Variants in ENTHD1 observed in about 807,000 individuals in gnomAD.
ENTHD1 encodes ENTH domain containing 1.
In ENTHD1, 23 loss-of-function variants were observed where a neutral mutation model predicts 39.1. The ratio of observed to expected loss-of-function variants is 0.59; its 90% CI spans 0.42 to 0.83. ENTHD1 has a LOEUF of 0.83. ENTHD1 is among the 40% of genes least tolerant of loss of function. The probability of loss-of-function intolerance (pLI) is 0.00; values close to 1 mark genes in which losing one functional copy is unlikely to be tolerated. For missense variants in ENTHD1, 624 were observed against 705.4 expected (o/e 0.88, Z 1.31); for synonymous variants, 230 against 258.2 (o/e 0.89, Z 1.05).
chr22:39,842,318 A>G (rs984671311), intron 3 of ENTHD1, among the ~76,000 whole-genome samples: 1 of 152,076 alleles, frequency 6.6e-6, no homozygotes, highest in Non-Finnish European at 1.5e-5. Context: ...CCTGGATAAT[A>G]TCCTGCAGAG....
intron 5 of ENTHD1, among the ~76,000 whole-genome samples, chr22:39,797,435 G>C (rs1004026024): frequency 6.6e-6 from 1 of 152,112 alleles, no homozygotes; most frequent in Non-Finnish European, 1.5e-5. Context: ...TATATTCTTT[G>C]TTCCTTTCTC....
At chr22:39,851,928 T>C (rs1262061505) in intron 3 of ENTHD1, among the ~76,000 whole-genome samples, 10 of 152,244 alleles carry the variant, frequency 6.6e-5, no homozygotes, top group Non-Finnish European at 1.3e-4. Flanking sequence ...CCTAGTCTCA[T>C]TGCCTGAAGG....
intron 5 of ENTHD1, among the ~76,000 whole-genome samples, chr22:39,777,881 T>C (rs1360212378): frequency 1.3e-5 from 2 of 152,220 alleles, no homozygotes; most frequent in African/African-American, 4.8e-5. Flanking sequence ...ATTGCAACGT[T>C]TCCTGTCTTT....
At chr22:39,809,512 G>T (rs1213233608) in intron 5 of ENTHD1, among the ~76,000 whole-genome samples, 1 of 152,186 alleles carries the variant, frequency 6.6e-6, no homozygotes, top group East Asian at 1.9e-4. Context: ...TGCCATGTGT[G>T]TAGGACTCAG....
At chr22:39,814,743 A>C (rs1438610219) in intron 5 of ENTHD1, among the ~76,000 whole-genome samples, 1 of 152,206 alleles carries the variant, frequency 6.6e-6, no homozygotes, top group Non-Finnish European at 1.5e-5. Flanking sequence ...TCAATCTTAC[A>C]CCAAAATTAA....
chr22:39,768,368 A>T (rs2065295344), intron 5 of ENTHD1, among the ~76,000 whole-genome samples: 1 of 152,154 alleles, frequency 6.6e-6, no homozygotes, highest in African/African-American at 2.4e-5. Context: ...TCCACACGCC[A>T]TGAGCATTTA....
chr22:39,771,080 G>T (rs534980205), intron 5 of ENTHD1, among the ~76,000 whole-genome samples: 7 of 151,880 alleles, frequency 4.6e-5, no homozygotes, highest in Non-Finnish European at 7.4e-5. Flanking sequence ...TGCTTAAGCT[G>T]TACTCTTTTT....
chr22:39,833,284 C>T (rs1436450254), intron 4 of ENTHD1, among the ~76,000 whole-genome samples: 1 of 152,118 alleles, frequency 6.6e-6, no homozygotes, highest in African/African-American at 2.4e-5. Flanking sequence ...ACAGATTAAG[C>T]TCTAGCCTTT....
intron 2 of ENTHD1, among the ~76,000 whole-genome samples, chr22:39,871,216 TAA>T (rs1204319840): frequency 5.3e-5 from 8 of 150,760 alleles, no homozygotes; most frequent in African/African-American, 9.8e-5. Context: ...AATAAATAAA[TAA>T]ATACGGACCT....
At chr22:39,797,063 A>G (rs1006202325) in intron 5 of ENTHD1, among the ~76,000 whole-genome samples, 6 of 152,180 alleles carry the variant, frequency 3.9e-5, no homozygotes, top group Non-Finnish European at 7.3e-5. Flanking sequence ...GTACATATAT[A>G]TTTAGAATTG....
chr22:39,835,922 C>G lies in ENTHD1; in HGVS notation c.629G>C (p.Cys210Ser). ...VCKAGLKQEHCQDVHLPTETM... is the reference protein window; with the variant it reads ...VCKAGLKQEHSQDVHLPTETM... ...TTCTGTAGGCAAATGAACATCTTGG[C>G]AATGCTCTTGTTTCAATCCTGCCTT... Residue 210 changes from cysteine to serine, a missense_variant, in exon 4 of 7, where the codon TGC (cysteine) becomes TCC (serine). By Grantham distance (112) the Cys-to-Ser change is moderately radical (BLOSUM62 -1). Transcript: ENST00000325157. 6.2e-7 allele frequency: 1 copy of G among 1,609,050 alleles called. No homozygotes were observed. The highest frequency in any genetic ancestry group is 8.5e-7 in the Non-Finnish European group (1 of 1,177,392).
chr22:39,787,153 TAC>T (rs1251910045), intron 5 of ENTHD1, among the ~76,000 whole-genome samples: 1 of 152,208 alleles, frequency 6.6e-6, no homozygotes. Flanking sequence ...TAGATTTTTC[TAC>T]AGTAATCATT....
intron 6 of ENTHD1, among the ~76,000 whole-genome samples, chr22:39,749,262 C>T (rs916685759): frequency 1.3e-5 from 2 of 152,230 alleles, no homozygotes; most frequent in African/African-American, 4.8e-5. Context: ...CTCTTGTTAA[C>T]ATTCACACAG....
intron 5 of ENTHD1, among the ~76,000 whole-genome samples, chr22:39,792,517 C>A (rs972682569): frequency 1.3e-5 from 2 of 151,418 alleles, no homozygotes; most frequent in Non-Finnish European, 3.0e-5. Context: ...GCCTTATGAT[C>A]AAAAAAATTG....
chr22:39,777,053 A>G (rs1281620952), intron 5 of ENTHD1, among the ~76,000 whole-genome samples: 1 of 152,232 alleles, frequency 6.6e-6, no homozygotes, highest in Non-Finnish European at 1.5e-5. Flanking sequence ...CAAGCAGGAC[A>G]AAAGATGGAT....
chr22:39,789,333 GA>G (rs1198230119), intron 5 of ENTHD1, among the ~76,000 whole-genome samples: 2 of 151,810 alleles, frequency 1.3e-5, no homozygotes, highest in Non-Finnish European at 2.9e-5. Context: ...CAAATACACT[GA>G]AAAAAATTTC....
At chr22:39,801,082 T>C (rs1367349826) in intron 5 of ENTHD1, among the ~76,000 whole-genome samples, 2 of 152,378 alleles carry the variant, frequency 1.3e-5, no homozygotes, top group South Asian at 2.1e-4. Context: ...ATGATTATCA[T>C]AGACTTATCA....
chr22:39,840,392 C>T (rs1278896263), intron 3 of ENTHD1, among the ~76,000 whole-genome samples: 2 of 152,140 alleles, frequency 1.3e-5, no homozygotes, highest in East Asian at 1.9e-4. Flanking sequence ...GTGAACCCTC[C>T]GATATTTCTT....
At chr22:39,859,581 A>G (rs1421131476) in intron 3 of ENTHD1, among the ~76,000 whole-genome samples, 1 of 152,086 alleles carries the variant, frequency 6.6e-6, no homozygotes, top group African/African-American at 2.4e-5. Flanking sequence ...ACCCAAGGAG[A>G]GAGAGAGAGA....
Sources: gnomAD v4.1 joint callset for allele counts (sites outside exome capture counted in the v4.1 genomes callset) on GRCh38, gnomAD v4.1.1 for gene constraint, MANE v1.5 for transcripts, NCBI Gene and HGNC (gene_info 2026-07-23, HGNC 2026-07-21) for gene names.